Variants in MDGA2 observed in about 807,000 individuals in gnomAD.
MDGA2 encodes the protein MAM domain containing glycosylphosphatidylinositol anchor 2, also known as MAM domain-containing glycosylphosphatidylinositol anchor protein 2.
In MDGA2, 40 loss-of-function variants were observed where a neutral mutation model predicts 117.8. That is an observed-to-expected ratio of 0.34 (90% CI 0.26 to 0.44). The LOEUF (loss-of-function observed/expected upper bound fraction) is 0.44, where lower values mean the gene tolerates loss of function less well. Ranked by LOEUF, MDGA2 falls within the 20% of genes least tolerant of loss-of-function variation. The pLI is 1.00. For missense variants in MDGA2, 1,123 were observed against 1,250.6 expected (o/e 0.90, Z 1.54); for synonymous variants, 452 against 439.0 (o/e 1.03, Z -0.37).
At chr14:47,087,191 T>G (rs1397348591) in intron 6 of MDGA2, among the ~76,000 whole-genome samples, 1 of 152,080 alleles carries the variant, frequency 6.6e-6, no homozygotes, top group East Asian at 1.9e-4. Flanking sequence ...GTAATGGGCA[T>G]GGATCACGGA....
At chr14:46,956,239 T>A (rs1162102192) in intron 9 of MDGA2, among the ~76,000 whole-genome samples, 2 of 152,112 alleles carry the variant, frequency 1.3e-5, no homozygotes, top group African/African-American at 2.4e-5. Flanking sequence ...TTCTTTTTTT[T>A]ACTACCATGA....
At chr14:47,042,616 T>C (rs575714067) in intron 7 of MDGA2, among the ~76,000 whole-genome samples, 3 of 152,266 alleles carry the variant, frequency 2.0e-5, no homozygotes, top group Admixed American at 2.0e-4. Context: ...TACTCGGATT[T>C]TGAAGTTTTG....
intron 5 of MDGA2, among the ~76,000 whole-genome samples, chr14:47,108,933 C>T (rs1418264041): frequency 1.3e-5 from 2 of 152,152 alleles, no homozygotes; most frequent in African/African-American, 4.8e-5. Flanking sequence ...TCTTTATAAA[C>T]ATTGACAAGG....
chr14:47,271,605 G>A (rs1456674797), intron 2 of MDGA2, among the ~76,000 whole-genome samples: 5 of 152,078 alleles, frequency 3.3e-5, no homozygotes, highest in Non-Finnish European at 7.4e-5. Context: ...CAGAGTTCCC[G>A]TCCCATTCCT....
At chr14:47,620,147 G>A (rs1449270973) in intron 1 of MDGA2, among the ~76,000 whole-genome samples, 1 of 152,202 alleles carries the variant, frequency 6.6e-6, no homozygotes, top group East Asian at 1.9e-4. Flanking sequence ...CCAAGGCATC[G>A]AATTGATGCT....
At chr14:46,973,398 T>A (rs998208462) in intron 8 of MDGA2, among the ~76,000 whole-genome samples, 4 of 152,140 alleles carry the variant, frequency 2.6e-5, no homozygotes, top group Non-Finnish European at 5.9e-5. Context: ...TACATTTTAA[T>A]ACAAACAACA....
intron 3 of MDGA2, among the ~76,000 whole-genome samples, chr14:47,165,203 A>G (rs1234934994): frequency 6.6e-6 from 1 of 152,204 alleles, no homozygotes; most frequent in Non-Finnish European, 1.5e-5. Flanking sequence ...ATACATATGT[A>G]ACAAACCTGC....
intron 1 of MDGA2, among the ~76,000 whole-genome samples, chr14:47,461,777 A>T (rs1211638366): frequency 6.6e-6 from 1 of 152,206 alleles, no homozygotes; most frequent in Non-Finnish European, 1.5e-5. Flanking sequence ...TTTACGTGAC[A>T]TGAACGATAC....
intron 1 of MDGA2, among the ~76,000 whole-genome samples, chr14:47,458,371 A>G (rs1893407849): frequency 6.6e-6 from 1 of 152,168 alleles, no homozygotes; most frequent in Non-Finnish European, 1.5e-5. Context: ...AATATCAAGC[A>G]GTTTTCCCCT....
intron 10 of MDGA2, among the ~76,000 whole-genome samples, chr14:46,908,287 A>T (rs1222928031): frequency 6.6e-6 from 1 of 152,154 alleles, no homozygotes; most frequent in Admixed American, 6.6e-5. Flanking sequence ...CTAGTACTTT[A>T]TATGCTAACT....
At chr14:47,289,085 C>A (rs1224507064) in intron 2 of MDGA2, among the ~76,000 whole-genome samples, 1 of 151,880 alleles carries the variant, frequency 6.6e-6, no homozygotes, top group African/African-American at 2.4e-5. Context: ...AGTCTGAAAC[C>A]TCCTTTAAAG....
chr14:47,236,386 C>T (rs1167844565), intron 2 of MDGA2, among the ~76,000 whole-genome samples: 1 of 151,402 alleles, frequency 6.6e-6, no homozygotes, highest in Non-Finnish European at 1.5e-5. Flanking sequence ...TACACTTAAG[C>T]CTAGTAGGAA....
intron 14 of MDGA2, among the ~76,000 whole-genome samples, chr14:46,861,588 G>A (rs193076009): frequency 1.8e-4 from 27 of 152,002 alleles, no homozygotes; most frequent in Admixed American, 1.5e-3. Context: ...ATTGTGGCTA[G>A]ATGTTATTTA....
chr14:46,882,347 A>AAAGTTC, intron 10 of MDGA2, 126 bp from the exon 11 acceptor site: 1 of 735,674 alleles, frequency 1.4e-6, no homozygotes, highest in Non-Finnish European at 2.1e-6. Context: ...ACGTATTATT[A>AAAGTTC]AAGTTCAAGT....
intron 8 of MDGA2, among the ~76,000 whole-genome samples, chr14:46,965,954 C>A (rs1185719867): frequency 1.3e-5 from 2 of 151,588 alleles, no homozygotes; most frequent in Non-Finnish European, 2.9e-5. Context: ...AAAGTAGGTG[C>A]CTGTGTTTTG....
chr14:47,174,862 G>T (rs551659643), intron 3 of MDGA2, among the ~76,000 whole-genome samples: 33 of 151,810 alleles, frequency 2.2e-4, no homozygotes, highest in Non-Finnish European at 2.6e-4. Flanking sequence ...ATCCAGGAGC[G>T]GGTTTTTTGA....
chr14:46,916,368 C>T (rs1168913240), intron 10 of MDGA2, among the ~76,000 whole-genome samples: 1 of 151,972 alleles, frequency 6.6e-6, no homozygotes, highest in Admixed American at 6.6e-5. Context: ...AGATCTTGAT[C>T]CTCAGTCTCC....
intron 1 of MDGA2, among the ~76,000 whole-genome samples, chr14:47,464,900 AT>A (rs1312584289): frequency 6.6e-6 from 1 of 152,084 alleles, no homozygotes; most frequent in African/African-American, 2.4e-5. Context: ...AAACAAAAAA[AT>A]AAAAACAAAG....
intron 1 of MDGA2, among the ~76,000 whole-genome samples, chr14:47,572,981 T>G (rs1896048249): frequency 6.6e-6 from 1 of 152,162 alleles, no homozygotes; most frequent in Admixed American, 6.6e-5. Context: ...AAGCAATAAT[T>G]AAAGGCAGAA....
Sources: gnomAD v4.1 joint callset for allele counts (sites outside exome capture counted in the v4.1 genomes callset) on GRCh38, gnomAD v4.1.1 for gene constraint, MANE v1.5 for transcripts, NCBI Gene and HGNC (gene_info 2026-07-23, HGNC 2026-07-21) for gene names.